Variants in UBAC2 observed in about 807,000 individuals in gnomAD.
UBAC2 encodes UBA domain containing 2.
A neutral mutation model predicts 44.0 loss-of-function variants in UBAC2; 26 were observed. The observed-to-expected ratio is 0.59, with a 90% CI of 0.43 to 0.82. The LOEUF is 0.82. Ranked by LOEUF, UBAC2 falls within the 40% of genes least tolerant of loss-of-function variation. The probability of loss-of-function intolerance (pLI) is 0.00; values close to 1 mark genes in which losing one functional copy is unlikely to be tolerated. For synonymous variants in UBAC2, 155 were observed against 154.3 expected, an observed-to-expected ratio of 1.00 and a Z score of -0.04; for missense variants, 329 against 419.4, an observed-to-expected ratio of 0.78 and a Z score of 1.88.
chr13:99,343,650 C>G lies in UBAC2; in HGVS notation c.807+3085C>G, dbSNP rs955486651. Among the ~76,000 whole-genome samples the G allele has an allele frequency of 6.6e-5, 10 of 152,208 alleles. No individual in the cohort carries two copies. In the East Asian group the frequency reaches 7.7e-4, roughly 12 times the overall value. On this transcript the variant is annotated intron_variant, in intron 7 of 8. Coordinates refer to ENST00000403766, the MANE Select transcript of UBAC2 (RefSeq NM_001144072.2). ...GGTCTGCTGGGCAGCACAGACCAGA[C>G]TCTTGATTTTTTCCTAAGCTTCCTA...
chr13:99,319,290 AT>A (rs1288227209), intron 6 of UBAC2, among the ~76,000 whole-genome samples: 4 of 152,234 alleles, frequency 2.6e-5, no homozygotes, highest in African/African-American at 9.6e-5. Flanking sequence ...ATAAAAATAA[AT>A]TTTAACTAGC....
chr13:99,299,028 A>C (rs1208039450), intron 4 of UBAC2, among the ~76,000 whole-genome samples: 1 of 152,204 alleles, frequency 6.6e-6, no homozygotes, highest in Non-Finnish European at 1.5e-5. Flanking sequence ...GCAGGAAAAA[A>C]ATACTTCACT....
At chr13:99,305,400 A>G (rs997500917) in intron 4 of UBAC2, among the ~76,000 whole-genome samples, 1 of 152,182 alleles carries the variant, frequency 6.6e-6, no homozygotes, top group Non-Finnish European at 1.5e-5. Context: ...AGGGCTGCCT[A>G]ACAACTCCAG....
chr13:99,363,956 T>C (rs981046546), intron 7 of UBAC2, among the ~76,000 whole-genome samples: 1 of 152,234 alleles, frequency 6.6e-6, no homozygotes, highest in Non-Finnish European at 1.5e-5. Context: ...TATTTATAAA[T>C]AGTAATTTTT....
At chr13:99,356,094 A>G (rs369741053) in intron 7 of UBAC2, 17 of 511,238 alleles carry the variant, frequency 3.3e-5, no homozygotes, top group Admixed American at 2.7e-4. Flanking sequence ...AAATGTCATT[A>G]AAGTAAACAA....
At chr13:99,243,490 A>G (rs1331849471) in intron 2 of UBAC2, among the ~76,000 whole-genome samples, 1 of 152,096 alleles carries the variant, frequency 6.6e-6, no homozygotes, top group Non-Finnish European at 1.5e-5. Context: ...AAAAATGAAC[A>G]TTTGTTAGCC....
At chr13:99,223,542 G>GTTTTTT (rs145143990) in intron 1 of UBAC2, among the ~76,000 whole-genome samples, 25 of 62,430 alleles carry the variant, frequency 4.0e-4, no homozygotes, top group South Asian at 1.9e-3. Flanking sequence ...CTCTTTTTCT[G>GTTTTTT]TTTTTTTTTT....
At chr13:99,367,171 A>G (rs115340384) in intron 7 of UBAC2, among the ~76,000 whole-genome samples, 418 of 152,272 alleles carry the variant, frequency 2.7e-3, no homozygotes, top group African/African-American at 9.5e-3. Context: ...ACCCTCAGAA[A>G]GATGGTTACT....
chr13:99,256,725 C>T (rs943917937), intron 4 of UBAC2, among the ~76,000 whole-genome samples: 3 of 132,752 alleles, frequency 2.3e-5, no homozygotes, highest in African/African-American at 5.3e-5. Context: ...AAAAAAAAAC[C>T]GTCCATTTTA....
intron 4 of UBAC2, among the ~76,000 whole-genome samples, chr13:99,250,220 C>T (rs565401086): frequency 5.3e-4 from 81 of 152,230 alleles, no homozygotes; most frequent in African/African-American, 1.7e-3. Context: ...TTTAATCCAT[C>T]TTGAATTAAT....
At chr13:99,367,745 G>A in intron 7 of UBAC2, 42 bp from the exon 8 acceptor site, 1 of 1,613,190 alleles carries the variant, frequency 6.2e-7, no homozygotes, top group Non-Finnish European at 8.5e-7. Flanking sequence ...TGATGATTCT[G>A]CTCCTTCTGT....
chr13:99,349,785 A>G (rs2045051964), intron 7 of UBAC2, among the ~76,000 whole-genome samples: 1 of 152,224 alleles, frequency 6.6e-6, no homozygotes, highest in Non-Finnish European at 1.5e-5. Flanking sequence ...AAAGTGGACA[A>G]GGAGCGTGAC....
intron 2 of UBAC2, among the ~76,000 whole-genome samples, 168 bp downstream of exon 2, chr13:99,238,722 A>G (rs540323089): frequency 6.6e-6 from 1 of 152,310 alleles, no homozygotes; most frequent in South Asian, 2.1e-4. Context: ...ATTTTTCAGC[A>G]AAACAGATAA....
chr13:99,311,356 G>A lies in UBAC2; in HGVS notation c.390-2741G>A, dbSNP rs189025341. Among the ~76,000 whole-genome samples, 294 of 152,254 alleles carry A rather than the reference G, an allele frequency of 1.9e-3. 1 individual carries two copies. The highest frequency in any genetic ancestry group is 0.014 in the Middle Eastern group (4 of 294). The stretch of plus-strand genomic sequence containing the variant: ...CCTCTCTGAGAAGGTGCTGTCCTGC[G>A]GAGCACAGGATCAGAATGGGGATGG... On this transcript the variant is annotated intron_variant, in intron 4 of 8. Transcript: ENST00000403766.
chr13:99,248,547 AT>A (rs1016806436), intron 4 of UBAC2, among the ~76,000 whole-genome samples: 1 of 151,592 alleles, frequency 6.6e-6, no homozygotes, highest in Admixed American at 6.6e-5. Context: ...ATGCCTGGCT[AT>A]TTTTTTTGTA....
At chr13:99,374,716 C>A (rs1263057240) in intron 8 of UBAC2, among the ~76,000 whole-genome samples, 1 of 152,160 alleles carries the variant, frequency 6.6e-6, no homozygotes, top group Non-Finnish European at 1.5e-5. Context: ...TGAGACACAT[C>A]TCGTGCTTCT....
intron 6 of UBAC2, among the ~76,000 whole-genome samples, chr13:99,331,889 A>G (rs1221627800): frequency 6.6e-6 from 1 of 152,126 alleles, no homozygotes; most frequent in African/African-American, 2.4e-5. Flanking sequence ...TTTAGAACAT[A>G]GGCTGGCACG....
At chr13:99,321,252 C>T (rs1594124886) in intron 6 of UBAC2, among the ~76,000 whole-genome samples, 1 of 152,300 alleles carries the variant, frequency 6.6e-6, no homozygotes, top group Admixed American at 6.5e-5. Context: ...TGGAAAGCTG[C>T]CAACTTTGGA....
At chr13:99,340,274 A>G (rs1183566913) in intron 6 of UBAC2, 46 bp from the exon 7 acceptor site, 1 of 1,597,820 alleles carries the variant, frequency 6.3e-7, no homozygotes, top group Admixed American at 1.7e-5. Flanking sequence ...ACATTTTTTA[A>G]AATAATACTA....
Sources: allele counts gnomAD v4.1 joint callset (sites outside exome capture counted in the v4.1 genomes callset), GRCh38; gene constraint gnomAD v4.1.1; transcripts MANE v1.5; gene names NCBI Gene and HGNC (gene_info 2026-07-23, HGNC 2026-07-21).